The following SNTB2 variants were observed in gnomAD, a reference collection of about 807,000 sequenced individuals.
SNTB2 encodes the protein beta-2-syntrophin.
Under a neutral mutation model 46.2 loss-of-function variants are expected in SNTB2, and 34 were observed. The observed-to-expected ratio is 0.74, with a 90% CI of 0.56 to 0.98. The LOEUF is 0.98. Among genes scored for constraint, SNTB2 ranks in the 50% least tolerant of loss-of-function variants. The pLI, the probability that SNTB2 is intolerant of heterozygous loss-of-function variation, is 0.00. For missense variants in SNTB2, 603 were observed against 731.4 expected (o/e 0.82, Z 2.02); for synonymous variants, 290 against 312.6 (o/e 0.93, Z 0.76).
At chr16:69,284,705 C>T (rs1324587501) in intron 5 of SNTB2, among the ~76,000 whole-genome samples, 2 of 151,980 alleles carry the variant, frequency 1.3e-5, no homozygotes, top group Admixed American at 6.6e-5. Flanking sequence ...ACTCGGGAGG[C>T]GGAGGTTGCA....
At chr16:69,198,199 C>T (rs1215760550) in intron 1 of SNTB2, among the ~76,000 whole-genome samples, 7 of 151,368 alleles carry the variant, frequency 4.6e-5, no homozygotes, top group Non-Finnish European at 1.0e-4. Flanking sequence ...ACCTCCACCT[C>T]GCGGGTTCAA....
At chr16:69,280,829 G>A (rs1965035403) in intron 4 of SNTB2, among the ~76,000 whole-genome samples, 1 of 148,316 alleles carries the variant, frequency 6.7e-6, no homozygotes, top group African/African-American at 2.5e-5. Flanking sequence ...ACGGAGTCTC[G>A]CTCTGTTGCC....
chr16:69,229,473 ATTTTT>A (rs546123559), intron 1 of SNTB2, among the ~76,000 whole-genome samples: 1 of 131,048 alleles, frequency 7.6e-6, no homozygotes, highest in African/African-American at 2.8e-5. Context: ...GCCTGCCTGA[ATTTTT>A]TTTTTTTTTT....
chr16:69,228,114 T>A (rs1312094175), intron 1 of SNTB2, among the ~76,000 whole-genome samples: 2 of 152,188 alleles, frequency 1.3e-5, no homozygotes, highest in Non-Finnish European at 2.9e-5. Context: ...CAGTGCCTAA[T>A]GTCTTTCAGA....
At chr16:69,270,002 G>T in intron 3 of SNTB2, 141 bp from the exon 4 acceptor site, 3 of 889,618 alleles carry the variant, frequency 3.4e-6, no homozygotes, top group African/African-American at 1.7e-5. Flanking sequence ...GTGTAAACTT[G>T]GTGAGATGTT....
intron 1 of SNTB2, among the ~76,000 whole-genome samples, chr16:69,207,969 C>T (rs1964241116): frequency 6.6e-6 from 1 of 150,438 alleles, no homozygotes; most frequent in Admixed American, 6.7e-5. Flanking sequence ...ATTAGCCAGG[C>T]ATGGTGGTGC....
chr16:69,293,558 C>T (rs1248130624), intron 5 of SNTB2, among the ~76,000 whole-genome samples: 1 of 152,088 alleles, frequency 6.6e-6, no homozygotes, highest in Non-Finnish European at 1.5e-5. Context: ...GAATCATGGG[C>T]AAACTGAGTA....
intron 2 of SNTB2, among the ~76,000 whole-genome samples, chr16:69,259,041 A>T (rs1964807131): frequency 6.6e-6 from 1 of 152,060 alleles, no homozygotes; most frequent in Non-Finnish European, 1.5e-5. Flanking sequence ...CCTTCTTTAC[A>T]GTGTGCCTAT....
At chr16:69,266,980 G>A (rs1431190313) in intron 3 of SNTB2, among the ~76,000 whole-genome samples, 1 of 151,734 alleles carries the variant, frequency 6.6e-6, no homozygotes, top group African/African-American at 2.4e-5. Context: ...TTATAAGTGT[G>A]AGCCACCACA....
At chr16:69,205,310 TG>T (rs1435551498) in intron 1 of SNTB2, among the ~76,000 whole-genome samples, 2 of 148,192 alleles carry the variant, frequency 1.3e-5, no homozygotes, top group Non-Finnish European at 3.0e-5. Flanking sequence ...CCACCACGCT[TG>T]GCAAATTTTT....
rs2143218099 is a variant in SNTB2, at chr16:69,303,911, A to T, written c.*2987A>T. On this transcript the variant is annotated 3_prime_UTR_variant, in exon 7 of 7. Coordinates refer to ENST00000336278, the MANE Select transcript of SNTB2 (RefSeq NM_006750.4). ...TTTTGAATTAAGAAAATTGTTGAGG[A>T]TGTGGTGGGTTCCAGTGTGTGGAAT... The T allele has an allele frequency of 6.6e-6, 1 of 152,144 alleles. No individual in the cohort carries two copies. The highest frequency in any genetic ancestry group is 2.1e-4 in the South Asian group (1 of 4,826). The allele number at this position is 152,144 out of a possible 1,614,324, so 9.4% of individuals were successfully genotyped here.
At chr16:69,247,048 T>TA (rs957200003) in intron 2 of SNTB2, among the ~76,000 whole-genome samples, 26 of 143,272 alleles carry the variant, frequency 1.8e-4, no homozygotes, top group African/African-American at 4.9e-4. Context: ...TAAAGTATAA[T>TA]AAAAAAAATA....
intron 3 of SNTB2, among the ~76,000 whole-genome samples, chr16:69,268,926 T>C (rs1043464803): frequency 1.8e-4 from 28 of 151,632 alleles, no homozygotes; most frequent in Non-Finnish European, 3.8e-4. Context: ...TCCCAACACT[T>C]TGGGAGGCCA....
intron 1 of SNTB2, among the ~76,000 whole-genome samples, chr16:69,204,938 T>C (rs1964199056): frequency 6.6e-6 from 1 of 152,232 alleles, no homozygotes; most frequent in Non-Finnish European, 1.5e-5. Flanking sequence ...TACTGCTGTG[T>C]GCATTGCATA....
Position 69,299,747 on chromosome 16 carries a change from G to A in SNTB2, c.1503G>A (p.Leu501=). ...SADDGIRNLY[L]DFGGPEGELT... ...ATGATGGCATCCGAAATCTATACTT[G>A]GATTTTGGTGGTCCCGAGGGAGAAC... is the stretch of plus-strand genomic sequence containing the variant. The change falls in exon 6 of 7, where the codon TTG becomes TTA. Residue 501 remains leucine, a synonymous_variant. Coordinates refer to ENST00000336278, the MANE Select transcript of SNTB2 (RefSeq NM_006750.4). 3 of 1,614,086 alleles carry A rather than the reference G, an allele frequency of 1.9e-6. No individual in the cohort carries two copies. The highest frequency in any genetic ancestry group is 2.5e-6 in the Non-Finnish European group (3 of 1,180,010).
intron 3 of SNTB2, among the ~76,000 whole-genome samples, chr16:69,266,126 A>T (rs1353719462): frequency 6.6e-6 from 1 of 152,148 alleles, no homozygotes; most frequent in Non-Finnish European, 1.5e-5. Context: ...GCACTTTGGG[A>T]GGCTGAGGTG....
Position 69,270,135 on chromosome 16 carries a change from T to C in SNTB2, c.1006-8T>C. On this transcript the variant is annotated splice_polypyrimidine_tract_variant and splice_region_variant and intron_variant, in intron 3 of 6. Transcript: ENST00000336278. ...AGCCCTGATTTCTGAATTTTTCCAT[T>C]GTAACAGGCAAAACTAGATGGTGGA... 6.2e-7 allele frequency: 1 copy of C among 1,613,914 alleles called. No homozygotes were observed. The highest frequency in any genetic ancestry group is 8.5e-7 in the Non-Finnish European group (1 of 1,179,960).
In SNTB2 at chr16:69,187,786, G is replaced by C. The variant is rs188736463; in HGVS notation, c.580+40G>C. ...GCGGGAGGGTGGGCAGGCCGCGGCG[G>C]CCTGGGCTCGCGGGAGCTCACTTTG... On this transcript the variant is annotated intron_variant, in intron 1 of 6. Coordinates refer to ENST00000336278, the MANE Select transcript of SNTB2 (RefSeq NM_006750.4). 1,335 of 1,341,388 alleles carry C rather than the reference G, an allele frequency of 1.0e-3. 42 individuals carry two copies. The Admixed American group carries it at 0.039, about 39-fold the overall frequency. 83.1% of individuals were successfully genotyped at this position (1,341,388 alleles called of 1,614,324 possible).
At chr16:69,261,140 AC>A (rs1202016579) in intron 3 of SNTB2, among the ~76,000 whole-genome samples, 2 of 152,098 alleles carry the variant, frequency 1.3e-5, no homozygotes, top group South Asian at 4.1e-4. Flanking sequence ...TTCGAAACTT[AC>A]GTTTTGAATC....
Sources: allele counts gnomAD v4.1 joint callset (sites outside exome capture counted in the v4.1 genomes callset), GRCh38; gene constraint gnomAD v4.1.1; transcripts MANE v1.5; gene names NCBI Gene and HGNC (gene_info 2026-07-23, HGNC 2026-07-21).